ADGRL2: variants seen among roughly 807,000 people sequenced by gnomAD.
ADGRL2 encodes the protein adhesion G protein-coupled receptor L2.
ADGRL2 carries 44 observed loss-of-function variants against 157.4 expected under a neutral mutation model. That is an observed-to-expected ratio of 0.28 (90% confidence interval 0.22 to 0.36). The LOEUF (loss-of-function observed/expected upper bound fraction) is 0.36, where lower values mean the gene tolerates loss of function less well. Ranked by LOEUF, ADGRL2 falls within the 10% of genes least tolerant of loss-of-function variation. The probability of loss-of-function intolerance (pLI) is 1.00; values close to 1 mark genes in which losing one functional copy is unlikely to be tolerated. For missense variants in ADGRL2, 1,510 were observed against 1,768.9 expected (o/e 0.85, Z 2.63); for synonymous variants, 585 against 624.7 (o/e 0.94, Z 0.95).
At chr1:81,575,703 G>C (rs1353100231) in intron 2 of ADGRL2, among the ~76,000 whole-genome samples, 2 of 152,062 alleles carry the variant, frequency 1.3e-5, no homozygotes, top group South Asian at 2.1e-4. Context: ...TATAGTTACA[G>C]TGAGATCATT....
At chr1:81,528,638 C>G (rs1252132894) in intron 2 of ADGRL2, among the ~76,000 whole-genome samples, 1 of 104,152 alleles carries the variant, frequency 9.6e-6, no homozygotes, top group Admixed American at 1.2e-4. Flanking sequence ...AAAAGTGAGA[C>G]TCCATCTCAA....
At chr1:81,502,230 G>A (rs2078868902) in intron 2 of ADGRL2, 3 of 1,608,778 alleles carry the variant, frequency 1.9e-6, no homozygotes, top group Non-Finnish European at 8.5e-7. Context: ...CCACCACATG[G>A]ACAACAAGCT....
At chr1:81,517,962 C>T (rs1434068642) in intron 2 of ADGRL2, among the ~76,000 whole-genome samples, 7 of 152,186 alleles carry the variant, frequency 4.6e-5, no homozygotes, top group African/African-American at 1.4e-4. Context: ...TGTTAAAATG[C>T]GTATATCTCT....
chr1:81,970,645 G>A lies in ADGRL2; in HGVS notation c.2954+111G>A, dbSNP rs565019929. 31 of 770,706 alleles carry A rather than the reference G, an allele frequency of 4.0e-5. No individual in the cohort carries two copies. In the South Asian group the frequency reaches 4.9e-4, roughly 12 times the overall value. 47.7% of individuals were successfully genotyped at this position (770,706 alleles called of 1,614,324 possible). ...TAAAATAGCATCTGAAAGCTTTATTGGTAAGAGAATGGGCATACCGTGCAC... is the reference window on the plus strand; with the variant it reads ...TAAAATAGCATCTGAAAGCTTTATTAGTAAGAGAATGGGCATACCGTGCAC... On this transcript the variant is annotated intron_variant, in intron 16 of 23. Coordinates refer to ENST00000686636, the MANE Select transcript of ADGRL2 (RefSeq NM_001366006.2).
At chr1:81,499,361 T>C (rs1455943878) in intron 2 of ADGRL2, among the ~76,000 whole-genome samples, 1 of 152,262 alleles carries the variant, frequency 6.6e-6, no homozygotes, top group Non-Finnish European at 1.5e-5. Context: ...ACACATGTGA[T>C]CACAGAAGCC....
At chr1:81,962,000 A>G (rs1655566575) in intron 11 of ADGRL2, among the ~76,000 whole-genome samples, 1 of 152,100 alleles carries the variant, frequency 6.6e-6, no homozygotes, top group African/African-American at 2.4e-5. Context: ...TTCTTGCTCC[A>G]ATGTGTGCCT....
At chr1:81,451,584 A>C (rs1357685285) in intron 2 of ADGRL2, among the ~76,000 whole-genome samples, 1 of 152,104 alleles carries the variant, frequency 6.6e-6, no homozygotes, top group Non-Finnish European at 1.5e-5. Flanking sequence ...TTTTCTCTAA[A>C]ATTGGACCAT....
chr1:81,695,743 G>C (rs1265943146), upstream of ADGRL2, among the ~76,000 whole-genome samples: 1 of 151,664 alleles, frequency 6.6e-6, no homozygotes, highest in African/African-American at 2.4e-5. Context: ...ATCGCTTGAA[G>C]CTGGGAGGCG....
intron 1 of ADGRL2, among the ~76,000 whole-genome samples, chr1:81,374,578 G>GAAAAAAA (rs71242588): frequency 1.5e-5 from 2 of 130,256 alleles, no homozygotes; most frequent in Admixed American, 1.6e-4. Flanking sequence ...TCTCAAAAAA[G>GAAAAAAA]AAAAAAAAAA....
intron 2 of ADGRL2, among the ~76,000 whole-genome samples, chr1:81,783,329 C>T (rs1039368832): frequency 4.6e-5 from 7 of 151,962 alleles, no homozygotes; most frequent in African/African-American, 1.7e-4. Flanking sequence ...GGGGTTTCAC[C>T]GTGTTGCCCA....
chr1:81,976,050 A>T (rs1039623045), intron 17 of ADGRL2, among the ~76,000 whole-genome samples: 3 of 152,192 alleles, frequency 2.0e-5, no homozygotes, highest in Non-Finnish European at 2.9e-5. Context: ...ATTTTTAAAA[A>T]TGTATCTGTG....
At chr1:81,773,294 G>A (rs2086449659) in intron 2 of ADGRL2, among the ~76,000 whole-genome samples, 1 of 152,154 alleles carries the variant, frequency 6.6e-6, no homozygotes, top group African/African-American at 2.4e-5. Flanking sequence ...AGCCAAAATG[G>A]TCCTGATAAC....
At chr1:81,588,036 G>A (rs1173758875) in intron 3 of ADGRL2, among the ~76,000 whole-genome samples, 5 of 152,118 alleles carry the variant, frequency 3.3e-5, no homozygotes, top group Non-Finnish European at 5.9e-5. Context: ...TTCTGAAAAT[G>A]ATTTACAAAG....
chr1:81,415,084 C>A (rs1390327043), intron 1 of ADGRL2, among the ~76,000 whole-genome samples: 1 of 152,174 alleles, frequency 6.6e-6, no homozygotes, highest in African/African-American at 2.4e-5. Flanking sequence ...GCTTGTCAAC[C>A]AAACACAAGG....
chr1:81,524,927 G>T (rs150323274), intron 2 of ADGRL2, among the ~76,000 whole-genome samples: 1 of 151,924 alleles, frequency 6.6e-6, no homozygotes, highest in African/African-American at 2.4e-5. Flanking sequence ...AAATAGGATG[G>T]AATATATACA....
At chr1:81,657,613 C>G (rs924076184) in intron 3 of ADGRL2, among the ~76,000 whole-genome samples, 2 of 152,044 alleles carry the variant, frequency 1.3e-5, no homozygotes, top group Admixed American at 6.5e-5. Context: ...GAAACAGAGT[C>G]AATTACAAGA....
At chr1:81,829,993 G>T (rs1224471632) in intron 1 of ADGRL2, among the ~76,000 whole-genome samples, 1 of 152,142 alleles carries the variant, frequency 6.6e-6, no homozygotes, top group Non-Finnish European at 1.5e-5. Flanking sequence ...AGGAAACACA[G>T]ATCCAGAAAC....
chr1:81,989,593 C>T (rs1449235107), intron 23 of ADGRL2: 1 of 1,420,542 alleles, frequency 7.0e-7, no homozygotes, highest in Non-Finnish European at 9.9e-7. Context: ...GACTAAGTTG[C>T]TGAGAAGCTT....
intron 1 of ADGRL2, among the ~76,000 whole-genome samples, chr1:81,329,760 G>C (rs947936674): frequency 6.6e-6 from 1 of 152,110 alleles, no homozygotes; most frequent in African/African-American, 2.4e-5. Context: ...GGCATCTAAG[G>C]TTTCAGCAAC....
Sources: allele counts gnomAD v4.1 joint callset (sites outside exome capture counted in the v4.1 genomes callset), GRCh38; gene constraint gnomAD v4.1.1; transcripts MANE v1.5; gene names NCBI Gene and HGNC (gene_info 2026-07-23, HGNC 2026-07-21).